The following STRAP variants were observed in gnomAD, a reference collection of about 807,000 sequenced individuals.
STRAP encodes serine-threonine kinase receptor-associated protein.
A neutral mutation model predicts 47.0 loss-of-function variants in STRAP; 16 were observed. The observed-to-expected ratio is 0.34, with a 90% CI of 0.23 to 0.52. The LOEUF is 0.52. STRAP is among the 20% of genes least tolerant of loss of function. The pLI is 0.96. For missense variants in STRAP, 293 were observed against 420.0 expected, an observed-to-expected ratio of 0.70 and a Z score of 2.64; for synonymous variants, 130 against 142.7, an observed-to-expected ratio of 0.91 and a Z score of 0.63.
At chr12:15,893,794 A>C (rs2136110997) in intron 4 of STRAP, among the ~76,000 whole-genome samples, 1 of 151,672 alleles carries the variant, frequency 6.6e-6, no homozygotes, top group South Asian at 2.1e-4. Flanking sequence ...AGAGGGAGTG[A>C]GTGGTGCATT....
intron 7 of STRAP, among the ~76,000 whole-genome samples, 157 bp from the exon 8 acceptor site, chr12:15,899,747 T>C (rs112703057): frequency 1.3e-5 from 2 of 152,228 alleles, no homozygotes; most frequent in African/African-American, 4.8e-5. Flanking sequence ...GTCAATGATA[T>C]ACCACTTTTG....
chr12:15,902,655 G>A (rs1948114492), intron 9 of STRAP, among the ~76,000 whole-genome samples: 1 of 152,134 alleles, frequency 6.6e-6, no homozygotes, highest in Admixed American at 6.5e-5. Flanking sequence ...GAAAATTTAG[G>A]CCAGAAAGGG....
intron 1 of STRAP, 45 bp from the exon 2 acceptor site, chr12:15,883,492 TTAAG>T (rs1392378747): frequency 3.8e-6 from 6 of 1,561,650 alleles, no homozygotes; most frequent in South Asian, 3.5e-5. Flanking sequence ...ATCTTAGACT[TTAAG>T]TAATCTGAAC....
At chr12:15,897,557 A>G (rs1948070491) in intron 6 of STRAP, among the ~76,000 whole-genome samples, 1 of 152,132 alleles carries the variant, frequency 6.6e-6, no homozygotes, top group East Asian at 1.9e-4. Flanking sequence ...GGTGAAGTTT[A>G]TTTAAGAGCA....
chr12:15,894,882 C>A lies in STRAP; in HGVS notation c.501-477C>A, dbSNP rs1271131352. On this transcript the variant is annotated intron_variant, in intron 5 of 9. Transcript: ENST00000419869. This position sits in a 1 kb window ranked among gnomAD's most constrained non-coding sequence, Gnocchi z 4.9. ...CAAAATTCAGAAGAAAATTAAATTG[C>A]TGATACCTTATAAGCAGGTGTTTTT... Among the ~76,000 whole-genome samples, 2 of 152,190 alleles carry A rather than the reference C, an allele frequency of 1.3e-5. No individual in the cohort carries two copies. Among genetic ancestry groups the A allele is most frequent in the African/African-American group, 4.8e-5 (2 of 41,460 alleles).
At chr12:15,895,521 T>G in intron 6 of STRAP, 25 bp downstream of exon 6, 1 of 1,573,222 alleles carries the variant, frequency 6.4e-7, no homozygotes. Context: ...TACTTTCATT[T>G]TCTTTTTTAG....
chr12:15,897,545 C>A (rs1176713812), intron 6 of STRAP, among the ~76,000 whole-genome samples: 1 of 151,922 alleles, frequency 6.6e-6, no homozygotes, highest in African/African-American at 2.4e-5. Flanking sequence ...TGAAACAATA[C>A]AGGTGAAGTT....
intron 7 of STRAP, 135 bp from the exon 8 acceptor site, chr12:15,899,769 T>G: frequency 1.3e-6 from 1 of 790,004 alleles, no homozygotes; most frequent in African/African-American, 1.8e-5. Flanking sequence ...GATGAGAAAT[T>G]AATTAAGTAC....
At chr12:15,900,097 A>AT in intron 8 of STRAP, 44 bp downstream of exon 8, 3 of 1,529,062 alleles carry the variant, frequency 2.0e-6, no homozygotes, top group Non-Finnish European at 2.7e-6. Flanking sequence ...AAAATGCATG[A>AT]TTTTATGTCA....
In STRAP at chr12:15,882,692, T is replaced by C. The variant is rs369260760; in HGVS notation, c.-16T>C. Reference sequence around the variant, plus strand: ...ACCCTCAGCTCGCCAGTCCGGTCGCTGGCTTCGCCGCCGCCATGGCAATGA... The same window carrying C: ...ACCCTCAGCTCGCCAGTCCGGTCGCCGGCTTCGCCGCCGCCATGGCAATGA... On this transcript the variant is annotated 5_prime_UTR_variant, in exon 1 of 10. Coordinates refer to ENST00000419869, the MANE Select transcript of STRAP (RefSeq NM_007178.4). 4.1e-5 allele frequency: 66 copies of C among 1,599,070 alleles called. No individual in the cohort carries two copies. Among genetic ancestry groups the C allele is most frequent in the Middle Eastern group, 1.6e-4 (1 of 6,068 alleles).
chr12:15,883,184 A>C, intron 1 of STRAP: 1 of 1,487,986 alleles, frequency 6.7e-7, no homozygotes, highest in Non-Finnish European at 9.1e-7. Flanking sequence ...ATACCTTACA[A>C]AGACGTTCGC....
rs747242117 is a variant in STRAP at position 15,890,025 on chromosome 12, A to G, written c.330+16A>G. On this transcript the variant is annotated intron_variant, in intron 3 of 9. Transcript: ENST00000419869. This position sits in a 1 kb window ranked among gnomAD's most constrained non-coding sequence, Gnocchi z 4.5. The stretch of plus-strand genomic sequence containing the variant: ...TTTCACGCAGGTATCAGAAAATGGA[A>G]TTTATTTTAGCGAGTTAAGTTGCTG... 1.5e-5 allele frequency: 24 copies of G among 1,612,300 alleles called. No individual in the cohort carries two copies. The African/African-American group carries it at 2.9e-4, about 20-fold the overall frequency.
At position 15,903,095 on chromosome 12, in the gene STRAP, A is replaced by G. The variant is rs14510; in HGVS notation, c.*117A>G. On this transcript the variant is annotated 3_prime_UTR_variant, in exon 10 of 10. Coordinates refer to ENST00000419869, the MANE Select transcript of STRAP (RefSeq NM_007178.4). ...CAGAAACAGCAGTAAATAATGAGGA[A>G]AATGAATTAGCTCCAGTGCTGGAAC... 1 of 1,154,188 alleles carries G rather than the reference A, an allele frequency of 8.7e-7. No homozygotes were observed. Among genetic ancestry groups the G allele is most frequent in the Admixed American group, 2.8e-5 (1 of 36,262 alleles). The allele number at this position is 1,154,188 out of a possible 1,614,324, so 71.5% of individuals were successfully genotyped here. A position where few individuals can be genotyped will look rare whatever the true frequency, so the allele number is the denominator to read the frequency against.
intron 4 of STRAP, among the ~76,000 whole-genome samples, chr12:15,891,665 G>C (rs1333299386): frequency 6.6e-6 from 1 of 152,196 alleles, no homozygotes; most frequent in East Asian, 1.9e-4. Context: ...GAAGGTGGCC[G>C]GGCGCAGTGG....
At chr12:15,891,600 T>G (rs1006229989) in intron 4 of STRAP, among the ~76,000 whole-genome samples, 6 of 152,220 alleles carry the variant, frequency 3.9e-5, no homozygotes, top group Non-Finnish European at 7.3e-5. Flanking sequence ...AATGATTTCC[T>G]TAAGATAACT....
intron 8 of STRAP, 163 bp from the exon 9 acceptor site, chr12:15,900,780 AAGAC>A (rs1353626742): frequency 3.4e-5 from 16 of 466,504 alleles, no homozygotes; most frequent in Non-Finnish European, 5.6e-5. Flanking sequence ...ATTTTAAAGA[AAGAC>A]ATACTATTTT....
chr12:15,890,743 C>A lies in STRAP; in HGVS notation c.403+74C>A. On this transcript the variant is annotated intron_variant, in intron 4 of 9. Coordinates refer to ENST00000419869, the MANE Select transcript of STRAP (RefSeq NM_007178.4). The surrounding 1 kb of genome is among the most constrained non-coding windows in gnomAD (Gnocchi z 4.5). ...AAATAACTGATTAAAGAATTTCATG[C>A]TCAGTACTCAAATTTGGAAAATAAA... The A allele has an allele frequency of 7.6e-7, 1 of 1,312,326 alleles. No homozygotes were observed. Among genetic ancestry groups the A allele is most frequent in the Non-Finnish European group, 1.1e-6 (1 of 936,116 alleles). The allele number at this position is 1,312,326 out of a possible 1,614,324, so 81.3% of individuals were successfully genotyped here.
intron 1 of STRAP, chr12:15,883,171 G>A: frequency 6.6e-7 from 1 of 1,519,312 alleles, no homozygotes; most frequent in Non-Finnish European, 8.8e-7. Flanking sequence ...GCCAGGCCGT[G>A]CAATACCTTA....
intron 1 of STRAP, 66 bp from the exon 2 acceptor site, chr12:15,883,475 C>A: frequency 6.6e-7 from 1 of 1,514,170 alleles, no homozygotes; most frequent in Non-Finnish European, 8.9e-7. Context: ...TGTATATTTA[C>A]ATTTGAATCT....
Sources: allele counts gnomAD v4.1 joint callset (sites outside exome capture counted in the v4.1 genomes callset), GRCh38; gene constraint gnomAD v4.1.1; non-coding constraint Gnocchi (gnomAD v3.1); transcripts MANE v1.5; gene names NCBI Gene and HGNC (gene_info 2026-07-23, HGNC 2026-07-21).